Variants in PTPRZ1 observed in about 807,000 individuals in gnomAD.
The protein encoded by PTPRZ1 is receptor-type tyrosine-protein phosphatase zeta.
PTPRZ1 carries 82 observed loss-of-function variants against 214.1 expected under a neutral mutation model. That is an observed-to-expected ratio of 0.38 (90% CI 0.32 to 0.46). The LOEUF is 0.46. PTPRZ1 is among the 20% of genes least tolerant of loss of function. The probability of loss-of-function intolerance (pLI) is 1.00; values close to 1 mark genes in which losing one functional copy is unlikely to be tolerated. For missense variants in PTPRZ1, 2,603 were observed against 2,748.7 expected, an observed-to-expected ratio of 0.95 and a Z score of 1.19; for synonymous variants, 945 against 987.9, an observed-to-expected ratio of 0.96 and a Z score of 0.81.
chr7:121,955,615 A>G (rs982058859), intron 2 of PTPRZ1, among the ~76,000 whole-genome samples: 7 of 152,208 alleles, frequency 4.6e-5, no homozygotes, highest in African/African-American at 1.7e-4. Context: ...GTTAACAGCA[A>G]GAGCTACAGA....
chr7:121,988,593 T>C (rs1201185987), intron 8 of PTPRZ1, among the ~76,000 whole-genome samples: 2 of 152,188 alleles, frequency 1.3e-5, no homozygotes, highest in Admixed American at 6.5e-5. Context: ...CCTTAGTTTC[T>C]TAGTAGATCC....
chr7:121,978,483 TGA>T (rs1259187872), intron 6 of PTPRZ1, among the ~76,000 whole-genome samples: 1 of 152,114 alleles, frequency 6.6e-6, no homozygotes. Context: ...CATGGCAGCA[TGA>T]GAGAGAGAAT....
Position 122,010,978 on chromosome 7 carries a change from G to T in PTPRZ1, c.1932G>T (p.Lys644Asn). 6.2e-7 allele frequency: 1 copy of T among 1,614,150 alleles called. No homozygotes were observed. Among genetic ancestry groups the T allele is most frequent in the Non-Finnish European group, 8.5e-7 (1 of 1,180,014 alleles). ...STSSGSEESL[K>N]DPSMEGNVWF... Reference sequence around the variant, plus strand: ...CATCAGGTTCAGAAGAATCACTAAAGGATCCTTCTATGGAGGGAAATGTGT... The same window carrying T: ...CATCAGGTTCAGAAGAATCACTAAATGATCCTTCTATGGAGGGAAATGTGT... The change falls in exon 12 of 30, where the codon AAG becomes AAT. Residue 644 changes from lysine to asparagine, a missense_variant. By Grantham distance (94) the Lys-to-Asn change is moderately conservative (BLOSUM62 0). This residue lies in a region of PTPRZ1 where 1,913 missense variants were observed against 1,914.3 expected (regional missense o/e 1.00). Coordinates refer to ENST00000393386, the MANE Select transcript of PTPRZ1 (RefSeq NM_002851.3).
chr7:121,921,340 A>G (rs1428035876), intron 1 of PTPRZ1, among the ~76,000 whole-genome samples: 2 of 152,162 alleles, frequency 1.3e-5, no homozygotes, highest in Non-Finnish European at 2.9e-5. Flanking sequence ...TCTAAGAAAC[A>G]TAAAATCTAA....
At chr7:122,014,961 G>A (rs1399141341) in intron 12 of PTPRZ1, among the ~76,000 whole-genome samples, 1 of 152,104 alleles carries the variant, frequency 6.6e-6, no homozygotes, top group African/African-American at 2.4e-5. Context: ...TATAGGTATT[G>A]TATCACAAGA....
chr7:121,957,678 A>C (rs996743924), intron 2 of PTPRZ1, among the ~76,000 whole-genome samples: 1 of 152,214 alleles, frequency 6.6e-6, no homozygotes, highest in Non-Finnish European at 1.5e-5. Context: ...TAATTTGCAC[A>C]GTCTGAGATG....
intron 2 of PTPRZ1, among the ~76,000 whole-genome samples, chr7:121,960,531 TTA>T (rs1444090776): frequency 6.6e-6 from 1 of 152,330 alleles, no homozygotes; most frequent in Non-Finnish European, 1.5e-5. Context: ...GAGATTTTTA[TTA>T]TATATCTATT....
chr7:122,058,714 C>A, intron 27 of PTPRZ1, 86 bp from the exon 28 acceptor site: 1 of 1,232,078 alleles, frequency 8.1e-7, no homozygotes, highest in Non-Finnish European at 1.1e-6. Flanking sequence ...GTTTTATTAC[C>A]TTACTGTAAT....
intron 1 of PTPRZ1, among the ~76,000 whole-genome samples, chr7:121,895,825 A>T (rs1794769743): frequency 6.6e-6 from 1 of 152,208 alleles, no homozygotes; most frequent in African/African-American, 2.4e-5. Flanking sequence ...TCAAAGAAAT[A>T]AAAGTTTGGC....
intron 23 of PTPRZ1, among the ~76,000 whole-genome samples, chr7:122,046,654 G>A (rs1791994923): frequency 6.6e-6 from 1 of 152,144 alleles, no homozygotes; most frequent in Admixed American, 6.5e-5. Context: ...AAGTAGTGAT[G>A]TCATTCACCA....
intron 1 of PTPRZ1, among the ~76,000 whole-genome samples, chr7:121,903,966 TCACACA>T (rs57176542): frequency 8.9e-5 from 11 of 123,842 alleles, no homozygotes; most frequent in Admixed American, 5.4e-4. Flanking sequence ...TCTTTAAATC[TCACACA>T]CACACACACA....
At chr7:121,948,173 T>C (rs1030579586) in intron 2 of PTPRZ1, among the ~76,000 whole-genome samples, 6 of 152,278 alleles carry the variant, frequency 3.9e-5, no homozygotes, top group African/African-American at 1.2e-4. Flanking sequence ...GGGACTAATA[T>C]TGAATGAATA....
At chr7:121,930,608 A>G (rs2116382091) in intron 2 of PTPRZ1, among the ~76,000 whole-genome samples, 1 of 152,260 alleles carries the variant, frequency 6.6e-6, no homozygotes, top group Admixed American at 6.5e-5. Context: ...AATCTAGTCA[A>G]TTTGATTAGT....
chr7:121,938,582 AT>A (rs1254084550), intron 2 of PTPRZ1, among the ~76,000 whole-genome samples: 9 of 152,198 alleles, frequency 5.9e-5, no homozygotes, highest in South Asian at 4.1e-4. Context: ...CGATGTTTGC[AT>A]TTCATAAGGA....
intron 10 of PTPRZ1, among the ~76,000 whole-genome samples, chr7:122,001,074 T>C (rs945076666): frequency 6.6e-6 from 1 of 152,166 alleles, no homozygotes; most frequent in African/African-American, 2.4e-5. Context: ...AAACTATGCA[T>C]TTAAATTAAT....
At chr7:122,037,483 T>C (rs1159219073) in intron 18 of PTPRZ1, among the ~76,000 whole-genome samples, 1 of 152,182 alleles carries the variant, frequency 6.6e-6, no homozygotes, top group Non-Finnish European at 1.5e-5. Flanking sequence ...ACTGGGACTC[T>C]CCAGAGACTG....
At chr7:121,918,607 T>A (rs1795494003) in intron 1 of PTPRZ1, among the ~76,000 whole-genome samples, 2 of 152,156 alleles carry the variant, frequency 1.3e-5, no homozygotes, top group Non-Finnish European at 2.9e-5. Flanking sequence ...ATATTTACAA[T>A]CTATCTTTAA....
chr7:121,892,448 C>G (rs1285829113), intron 1 of PTPRZ1, among the ~76,000 whole-genome samples: 1 of 151,770 alleles, frequency 6.6e-6, no homozygotes, highest in Non-Finnish European at 1.5e-5. Context: ...AACTTAGTAC[C>G]TGCCTGGTAA....
At chr7:121,887,531 G>T (rs373567629) in intron 1 of PTPRZ1, among the ~76,000 whole-genome samples, 22 of 152,196 alleles carry the variant, frequency 1.4e-4, no homozygotes, top group African/African-American at 5.3e-4. Context: ...AGGTCCAAGA[G>T]TCTATATAGA....
Sources: gnomAD v4.1 joint callset for allele counts (sites outside exome capture counted in the v4.1 genomes callset) on GRCh38, gnomAD v4.1.1 for gene constraint, gnomAD v4.1.1 regional missense constraint, MANE v1.5 for transcripts, NCBI Gene and HGNC (gene_info 2026-07-23, HGNC 2026-07-21) for gene names.